Variants in DOCK9 observed in about 807,000 individuals in gnomAD.
The protein encoded by DOCK9 is dedicator of cytokinesis 9.
Under a neutral mutation model 263.3 loss-of-function variants are expected in DOCK9, and 89 were observed. The observed-to-expected ratio is 0.34, with a 90% CI of 0.28 to 0.40. The LOEUF is 0.40. DOCK9 is among the 10% of genes least tolerant of loss of function. DOCK9 has a pLI of 1.00. For synonymous variants in DOCK9, 976 were observed against 973.1 expected (o/e 1.00, Z -0.06); for missense variants, 2,140 against 2,603.4 (o/e 0.82, Z 3.87).
At chr13:98,809,511 G>T in intron 46 of DOCK9, 46 bp from the exon 47 acceptor site, 2 of 1,468,884 alleles carry the variant, frequency 1.4e-6, no homozygotes, top group Non-Finnish European at 1.8e-6. Context: ...GCAAAGAGGA[G>T]AATCGATTTT....
At chr13:99,051,855 C>CAAAAAAAAAAAA (rs11392986) in intron 1 of DOCK9, among the ~76,000 whole-genome samples, 5 of 106,056 alleles carry the variant, frequency 4.7e-5, no homozygotes, top group Admixed American at 9.2e-5. Context: ...CCACTAGTGG[C>CAAAAAAAAAAAA]AAAAAAAAAA....
chr13:98,805,128 G>C lies in DOCK9; in HGVS notation c.5596C>G (p.Gln1866Glu). 2 of 1,610,106 alleles carry C rather than the reference G, an allele frequency of 1.2e-6. No homozygotes were observed. The highest frequency in any genetic ancestry group is 1.7e-6 in the Non-Finnish European group (2 of 1,178,002). ...CTCTCAAACTCTGTTTTCCTTTCTT[G>C]CAACTCTTTTTCGTCAAAGAAGGGG... ...VIPFFDEKELQERKTEFERSH... is the reference protein window; with the variant it reads ...VIPFFDEKELEERKTEFERSH... The change falls in exon 49 of 53, where the codon CAA (glutamine) becomes GAA (glutamate). Residue 1866 changes from glutamine (Q) to glutamate (E), a missense_variant. Physicochemically the swap from Gln to Glu is conservative, Grantham distance 29 (BLOSUM62 2). Around this residue, in one of 2 missense-constraint regions of DOCK9, gnomAD observed 619 missense variants for 861.8 expected, o/e 0.72. Transcript: ENST00000682017.
Position 98,830,050 on chromosome 13 carries a change from A to G in DOCK9, c.4636-294T>C, listed in dbSNP as rs115831151. On this transcript the variant is annotated intron_variant, in intron 41 of 52. Coordinates refer to ENST00000682017, the MANE Select transcript of DOCK9 (RefSeq NM_001366683.2). ...GATAAGCCCATCCACTTGGATAGTTACTTACCTATTACCTTCTCTAACCAA... is the reference window on the plus strand; with the variant it reads ...GATAAGCCCATCCACTTGGATAGTTGCTTACCTATTACCTTCTCTAACCAA... Among the ~76,000 whole-genome samples, 437 of 152,366 alleles carry G rather than the reference A, an allele frequency of 2.9e-3. 4 individuals are homozygous for G. The highest frequency in any genetic ancestry group is 9.7e-3 in the African/African-American group (402 of 41,594).
At chr13:98,939,144 T>C (rs1238096422) in intron 2 of DOCK9, among the ~76,000 whole-genome samples, 1 of 152,210 alleles carries the variant, frequency 6.6e-6, no homozygotes, top group Non-Finnish European at 1.5e-5. Flanking sequence ...GCGCTCCAAC[T>C]GAGACACTGA....
In DOCK9 at chr13:98,831,431, C is replaced by A; in HGVS notation, c.4552G>T (p.Glu1518Ter). Residue 1518 changes from glutamate (E) to a stop codon, truncating the protein, a stop_gained, in exon 41 of 53, where the codon GAG (glutamate) becomes TAG (stop). Transcript: ENST00000682017. LOFTEE classifies it high-confidence loss of function. The stretch of plus-strand genomic sequence containing the variant: ...AGGAAGTAGAGCAGCTGGGAGGCCT[C>A]CGTCCTGATGGAGCTCAGCTTGGAG... Reference protein sequence around the residue: ...CNSKLSSIRTEASQLLYFLMR... With the variant: ...CNSKLSSIRT The A allele has an allele frequency of 6.2e-7, 1 of 1,601,452 alleles. No individual in the cohort carries two copies. Among genetic ancestry groups the A allele is most frequent in the East Asian group, 2.2e-5 (1 of 44,570 alleles).
intron 45 of DOCK9, among the ~76,000 whole-genome samples, chr13:98,814,408 T>TC (rs1222486266): frequency 6.8e-6 from 1 of 148,118 alleles, no homozygotes; most frequent in African/African-American, 2.5e-5. Context: ...AAGTACGTCT[T>TC]TTTTTTTTTT....
intron 1 of DOCK9, among the ~76,000 whole-genome samples, chr13:99,079,128 G>A (rs536973092): frequency 6.6e-6 from 1 of 152,154 alleles, no homozygotes; most frequent in African/African-American, 2.4e-5. Context: ...ATGTGAATGC[G>A]GCCGTGGAGT....
chr13:99,022,138 A>AT (rs1166979343), intron 1 of DOCK9, among the ~76,000 whole-genome samples: 1 of 152,126 alleles, frequency 6.6e-6, no homozygotes, highest in Non-Finnish European at 1.5e-5. Context: ...CCCCATCTCA[A>AT]TACACAAGAG....
chr13:98,964,811 T>A (rs1452661343), intron 1 of DOCK9, among the ~76,000 whole-genome samples: 1 of 152,038 alleles, frequency 6.6e-6, no homozygotes, highest in East Asian at 1.9e-4. Flanking sequence ...AAAAAGAGAC[T>A]CCACACAGCT....
intron 35 of DOCK9, 57 bp downstream of exon 35, chr13:98,853,351 A>G: frequency 2.5e-6 from 3 of 1,193,738 alleles, no homozygotes; most frequent in Non-Finnish European, 3.6e-6. Flanking sequence ...ACAAGTTAAA[A>G]CCAAACAAAC....
At chr13:99,074,117 T>C (rs12873129) in intron 1 of DOCK9, among the ~76,000 whole-genome samples, 13,488 of 152,310 alleles carry the variant, frequency 0.089, 723 homozygotes, top group African/African-American at 0.15. Flanking sequence ...AAGTGCAAGG[T>C]TTTTATGCCT....
intron 37 of DOCK9, among the ~76,000 whole-genome samples, chr13:98,847,876 A>G (rs1393695396): frequency 6.6e-6 from 1 of 152,252 alleles, no homozygotes; most frequent in East Asian, 1.9e-4. Context: ...TCTGAATGGC[A>G]GTGGGGCAGG....
chr13:99,086,327 C>CG lies in DOCK9; in HGVS notation c.24dup (p.Ala9ArgfsTer14). On this transcript the variant is annotated frameshift_variant, in exon 1 of 33. Coordinates refer to the DOCK9 transcript ENST00000427887. LOFTEE classifies it high-confidence loss of function. ...GTGAACTTCCGAGTCTCCGCCGAGGCGGGGAGCAGCGGCGGCTGCGACATC... is the reference window on the plus strand; with the variant it reads ...GTGAACTTCCGAGTCTCCGCCGAGGCGGGGGAGCAGCGGCGGCTGCGACATC... The CG allele has an allele frequency of 6.8e-7, 1 of 1,462,884 alleles. No individual in the cohort carries two copies. The highest frequency in any genetic ancestry group is 1.3e-5 in the South Asian group (1 of 76,550). The allele number at this position is 1,462,884 out of a possible 1,614,324, so 90.6% of individuals were successfully genotyped here.
At chr13:98,923,436 T>A in intron 4 of DOCK9, 65 bp from the exon 5 acceptor site, 1 of 1,379,370 alleles carries the variant, frequency 7.2e-7, no homozygotes, top group Non-Finnish European at 1.0e-6. Flanking sequence ...TTTGCATTTC[T>A]TCCTCCATCA....
At chr13:99,000,896 A>G (rs71437986) in intron 1 of DOCK9, among the ~76,000 whole-genome samples, 7,318 of 152,304 alleles carry the variant, frequency 0.048, 239 homozygotes, top group Middle Eastern at 0.11. Context: ...CAGTGAAAAA[A>G]GATGAGTGGC....
At chr13:99,004,406 G>T (rs1004871016) in intron 1 of DOCK9, among the ~76,000 whole-genome samples, 1 of 152,200 alleles carries the variant, frequency 6.6e-6, no homozygotes, top group Non-Finnish European at 1.5e-5. Context: ...CTGAGTCTTT[G>T]ATAATGTTGT....
At chr13:98,928,512 A>C (rs1194941119) in intron 3 of DOCK9, among the ~76,000 whole-genome samples, 1 of 152,210 alleles carries the variant, frequency 6.6e-6, no homozygotes, top group Non-Finnish European at 1.5e-5. Context: ...CTTAATGGAG[A>C]GTTCTCCCTC....
At chr13:98,834,977 C>G (rs1207846244) in intron 39 of DOCK9, among the ~76,000 whole-genome samples, 1 of 152,184 alleles carries the variant, frequency 6.6e-6, no homozygotes, top group South Asian at 2.1e-4. Flanking sequence ...GGCAAATTTC[C>G]TAATTTCTCC....
chr13:99,037,390 A>T (rs1378469384), intron 1 of DOCK9, among the ~76,000 whole-genome samples: 3 of 152,210 alleles, frequency 2.0e-5, no homozygotes, highest in Non-Finnish European at 4.4e-5. Context: ...CTAATCAGGG[A>T]TATTAAATTT....
Sources: gnomAD v4.1 joint callset for allele counts (sites outside exome capture counted in the v4.1 genomes callset) on GRCh38, gnomAD v4.1.1 for gene constraint, gnomAD v4.1.1 regional missense constraint, MANE v1.5 for transcripts, NCBI Gene and HGNC (gene_info 2026-07-23, HGNC 2026-07-21) for gene names.